Variants in PDE7B observed in about 807,000 individuals in gnomAD.
PDE7B encodes phosphodiesterase 7B.
In PDE7B, 29 loss-of-function variants were observed where a neutral mutation model predicts 56.2. The observed-to-expected ratio is 0.52, with a 90% CI of 0.38 to 0.70. The LOEUF (loss-of-function observed/expected upper bound fraction) is 0.70, where lower values mean the gene tolerates loss of function less well. Ranked by LOEUF, PDE7B falls within the 30% of genes least tolerant of loss-of-function variation. The pLI is 0.00. For synonymous variants in PDE7B, 197 were observed against 196.9 expected (o/e 1.00, Z 0.00); for missense variants, 490 against 565.0 (o/e 0.87, Z 1.35).
At chr6:135,856,713 C>G (rs942831496) in intron 1 of PDE7B, among the ~76,000 whole-genome samples, 20 of 152,136 alleles carry the variant, frequency 1.3e-4, no homozygotes, top group African/African-American at 4.8e-4. Flanking sequence ...AAATAGGGAG[C>G]TGGTTTTGTA....
At chr6:136,139,449 G>T (rs936633100) in intron 3 of PDE7B, among the ~76,000 whole-genome samples, 195 of 152,180 alleles carry the variant, frequency 1.3e-3, no homozygotes, top group Non-Finnish European at 1.5e-3. Context: ...TGTGTCTTTA[G>T]AGCAGCATGA....
chr6:136,168,566 T>G (rs536072331), intron 8 of PDE7B, among the ~76,000 whole-genome samples: 1 of 152,276 alleles, frequency 6.6e-6, no homozygotes, highest in Admixed American at 6.5e-5. Context: ...ACAGGTCACA[T>G]TCTGGCAGCT....
At chr6:136,145,050 T>C (rs754363250) in intron 3 of PDE7B, among the ~76,000 whole-genome samples, 2 of 152,138 alleles carry the variant, frequency 1.3e-5, no homozygotes, top group Non-Finnish European at 2.9e-5. Flanking sequence ...CATTTAATAA[T>C]TTTAGTATCC....
intron 2 of PDE7B, among the ~76,000 whole-genome samples, chr6:136,013,921 G>A (rs1483434322): frequency 2.6e-5 from 4 of 152,162 alleles, no homozygotes; most frequent in South Asian, 2.1e-4. Context: ...TTAGGTCTGG[G>A]CAAGGACTAA....
intron 3 of PDE7B, among the ~76,000 whole-genome samples, chr6:136,116,863 T>C (rs983986402): frequency 4.6e-5 from 7 of 152,222 alleles, no homozygotes; most frequent in Admixed American, 6.5e-5. Flanking sequence ...TTTTAGTTTA[T>C]AATAAGCTTG....
At chr6:136,152,546 G>C (rs148045837) in intron 6 of PDE7B, among the ~76,000 whole-genome samples, 1 of 152,166 alleles carries the variant, frequency 6.6e-6, no homozygotes, top group Non-Finnish European at 1.5e-5. Context: ...TAGCTCTGTC[G>C]ACTTGGGAGT....
intron 1 of PDE7B, among the ~76,000 whole-genome samples, chr6:135,919,902 AC>A (rs1252549142): frequency 1.3e-5 from 2 of 152,218 alleles, no homozygotes; most frequent in Non-Finnish European, 2.9e-5. Flanking sequence ...TATTATCATT[AC>A]TACCACTACT....
intron 2 of PDE7B, among the ~76,000 whole-genome samples, chr6:136,082,107 T>C (rs1266515825): frequency 1.3e-5 from 2 of 152,216 alleles, no homozygotes; most frequent in Non-Finnish European, 1.5e-5. Context: ...AGTAACTTTG[T>C]GAAGCAATGT....
At position 135,978,802 on chromosome 6, in the gene PDE7B, A is replaced by G. The variant is rs908080559; in HGVS notation, c.82+31278A>G. 2.0e-5 allele frequency among the ~76,000 whole-genome samples: 3 copies of G among 152,132 alleles called. No homozygotes were observed. In the South Asian group the frequency reaches 6.2e-4, roughly 32 times the overall value. On this transcript the variant is annotated intron_variant, in intron 2 of 12. Transcript: ENST00000308191. The stretch of plus-strand genomic sequence containing the variant: ...GCTGAGACAATGGGGTTTTCTAGAT[A>G]TACAATCATGTCGTCTGCAAACAGG...
Position 135,871,772 on chromosome 6 carries a change from T to TACACAC in PDE7B, c.21+19773_21+19778dup, listed in dbSNP as rs10576996. On this transcript the variant is annotated intron_variant, in intron 1 of 12. Coordinates refer to ENST00000308191, the MANE Select transcript of PDE7B (RefSeq NM_018945.4). ...CAATGTTGTCGTAAGGATAGGTGTA[T>TACACAC]ACACACACACACACACACACACACA... 6.3e-3 allele frequency among the ~76,000 whole-genome samples: 943 copies of TACACAC among 150,618 alleles called. 10 individuals are homozygous for TACACAC. Among genetic ancestry groups the TACACAC allele is most frequent in the African/African-American group, 0.02 (842 of 41,120 alleles).
At chr6:136,178,676 C>G (rs1181529957) in intron 9 of PDE7B, among the ~76,000 whole-genome samples, 1 of 152,218 alleles carries the variant, frequency 6.6e-6, no homozygotes, top group African/African-American at 2.4e-5. Context: ...CATGATTCTA[C>G]AAGTCTTTTG....
intron 1 of PDE7B, among the ~76,000 whole-genome samples, chr6:135,934,790 AT>A (rs1774367460): frequency 8.4e-6 from 1 of 119,648 alleles, no homozygotes; most frequent in Non-Finnish European, 1.6e-5. Context: ...TTATATATAT[AT>A]TTTAAATATA....
chr6:135,883,102 T>C (rs1348348662), intron 1 of PDE7B, among the ~76,000 whole-genome samples: 2 of 152,186 alleles, frequency 1.3e-5, no homozygotes, highest in East Asian at 3.9e-4. Context: ...ATACACTCCA[T>C]TTGGTCAAGT....
intron 11 of PDE7B, 41 bp from the exon 12 acceptor site, chr6:136,186,995 A>G (rs1213764170): frequency 1.0e-6 from 1 of 981,076 alleles, no homozygotes; most frequent in Admixed American, 1.8e-5. Flanking sequence ...TATAAGTTCT[A>G]GATTACCAAT....
At chr6:135,939,386 G>C (rs570160069) in intron 1 of PDE7B, among the ~76,000 whole-genome samples, 8 of 152,026 alleles carry the variant, frequency 5.3e-5, no homozygotes, top group Non-Finnish European at 1.0e-4. Flanking sequence ...CCAGGTTGTT[G>C]CTGGAGATCT....
chr6:136,167,172 G>A (rs1394900643), intron 8 of PDE7B, among the ~76,000 whole-genome samples: 1 of 152,022 alleles, frequency 6.6e-6, no homozygotes, highest in Non-Finnish European at 1.5e-5. Context: ...CTGAAAGTGG[G>A]GACTCTCAGA....
intron 1 of PDE7B, among the ~76,000 whole-genome samples, chr6:135,878,066 G>C (rs945226320): frequency 6.6e-6 from 1 of 152,166 alleles, no homozygotes; most frequent in African/African-American, 2.4e-5. Context: ...AATCCTGGCA[G>C]TTCCAAGTCA....
intron 2 of PDE7B, among the ~76,000 whole-genome samples, chr6:136,018,652 C>A (rs1356237891): frequency 6.6e-6 from 1 of 152,100 alleles, no homozygotes; most frequent in Non-Finnish European, 1.5e-5. Flanking sequence ...TCTTAAATTA[C>A]CGTTAAGAGG....
chr6:135,877,907 A>T (rs1351954723), intron 1 of PDE7B, among the ~76,000 whole-genome samples: 1 of 152,210 alleles, frequency 6.6e-6, no homozygotes, highest in African/African-American at 2.4e-5. Context: ...AGGAGCTCGT[A>T]TATTTATACA....
Sources: allele counts gnomAD v4.1 joint callset (sites outside exome capture counted in the v4.1 genomes callset), GRCh38; gene constraint gnomAD v4.1.1; transcripts MANE v1.5; gene names NCBI Gene and HGNC (gene_info 2026-07-23, HGNC 2026-07-21).